The following NUP98 variants were observed in gnomAD, a reference collection of about 807,000 sequenced individuals.
The protein encoded by NUP98 is nucleoporin 98 and 96 precursor.
Under a neutral mutation model 191.9 loss-of-function variants are expected in NUP98, and 26 were observed. The observed-to-expected ratio is 0.14, with a 90% CI of 0.10 to 0.19. The LOEUF (loss-of-function observed/expected upper bound fraction) is 0.19. NUP98 is among the 10% of genes least tolerant of loss of function. The pLI is 1.00. For missense variants in NUP98, 1,941 were observed against 2,178.8 expected (o/e 0.89, Z 2.17); for synonymous variants, 808 against 778.4 (o/e 1.04, Z -0.63).
In NUP98 at chr11:3,686,004, T is replaced by C. The variant is rs1159199679; in HGVS notation, c.4645A>G (p.Ile1549Val). 7 of 1,613,982 alleles carry C rather than the reference T, an allele frequency of 4.3e-6. No homozygotes were observed. Among genetic ancestry groups the C allele is most frequent in the African/African-American group, 1.3e-5 (1 of 74,924 alleles). ...TTGTCAATGTGCAGGAGGACAAAGA[T>C]GGCCCACTCCCAGAGCCCCTCACTT... ...LESEGLWEWA[I>V]FVLLHIDNSG... The change falls in exon 29 of 33, where the codon ATC becomes GTC. Residue 1549 changes from isoleucine to valine, a missense_variant. By Grantham distance (29) the Ile-to-Val change is conservative. This residue lies in a region of NUP98 where 1,030 missense variants were observed against 1,115.8 expected (regional missense o/e 0.92). Transcript: ENST00000324932.
chr11:3,702,328 CTCTCTCTCTCTCTCTCTCT>C (rs1336114292), intron 23 of NUP98, 116 bp downstream of exon 23: 4 of 105,088 alleles, frequency 3.8e-5, no homozygotes, highest in South Asian at 1.9e-4. Context: ...CTCTCTCTCT[CTCTCTCTCTCTCTCTCTCT>C]CTCTCTCTCT....
rs532403779 is a variant in NUP98, at chr11:3,676,038, GGGA to G, written c.*118_*120del. On this transcript the variant is annotated 3_prime_UTR_variant, in exon 33 of 33. Transcript: ENST00000324932. The stretch of plus-strand genomic sequence containing the variant: ...GTGGAGGATGCTGCTTCTGGCAGCA[GGGA>G]GGGAGGGTAGATGCCACAGCCAACC... 3.0e-4 allele frequency: 259 copies of G among 850,018 alleles called. 1 individual carries two copies. The African/African-American group carries it at 3.9e-3, about 13-fold the overall frequency. 52.7% of individuals were successfully genotyped at this position (850,018 alleles called of 1,614,324 possible).
At chr11:3,768,803 A>C in intron 7 of NUP98, 59 bp from the exon 8 acceptor site, 1 of 1,304,978 alleles carries the variant, frequency 7.7e-7, no homozygotes, top group South Asian at 1.7e-5. Flanking sequence ...GTAAACACCC[A>C]AAAATACAAA....
Position 3,778,883 on chromosome 11 carries a change from A to G in NUP98, c.345T>C (p.Thr115=), listed in dbSNP as rs2133935312. 1 of 1,613,928 alleles carries G rather than the reference A, an allele frequency of 6.2e-7. No individual in the cohort carries two copies. Among genetic ancestry groups the G allele is most frequent in the East Asian group, 2.2e-5 (1 of 44,874 alleles). Reference sequence around the variant, plus strand: ...TGATGTCCCACTTACTGCCAAAGCCAGTTGGTTTATTTTGTGCAAAGGCAT... The same window carrying G: ...TGATGTCCCACTTACTGCCAAAGCCGGTTGGTTTATTTTGTGCAAAGGCAT... ...QNNAFAQNKP[T]GFGNFGTSTS... is the part of the protein sequence containing the mutation. The change falls in exon 4 of 33, where the codon ACT becomes ACC. Residue 115 remains threonine, a synonymous_variant. Transcript: ENST00000324932.
At chr11:3,704,516 A>G (rs138657200) in intron 22 of NUP98, among the ~76,000 whole-genome samples, 11 of 152,378 alleles carry the variant, frequency 7.2e-5, no homozygotes, top group Non-Finnish European at 1.0e-4. Context: ...ACAGTGCTGT[A>G]AGGACTGCAC....
At chr11:3,689,048 A>G (rs2078224272) in intron 28 of NUP98, among the ~76,000 whole-genome samples, 1 of 151,792 alleles carries the variant, frequency 6.6e-6, no homozygotes, top group African/African-American at 2.4e-5. Context: ...AGCCTGGGCA[A>G]TGTGGCAAAA....
intron 8 of NUP98, among the ~76,000 whole-genome samples, chr11:3,763,661 G>A (rs11029681): frequency 0.17 from 26,238 of 151,994 alleles, 2,472 homozygotes; most frequent in Non-Finnish European, 0.22. Flanking sequence ...TGATTCTCTC[G>A]CCTCAGCCTC....
At chr11:3,776,202 G>C (rs2081722955) in intron 4 of NUP98, among the ~76,000 whole-genome samples, 181 bp from the exon 5 acceptor site, 1 of 148,014 alleles carries the variant, frequency 6.8e-6, no homozygotes, top group African/African-American at 2.5e-5. Context: ...GCTCACTGCA[G>C]CCTTGACCTC....
chr11:3,782,824 C>A (rs546624762), intron 1 of NUP98, among the ~76,000 whole-genome samples: 92 of 152,226 alleles, frequency 6.0e-4, no homozygotes, highest in South Asian at 1.7e-3. Context: ...CACCAAAGTG[C>A]TGGGATTACA....
intron 12 of NUP98, among the ~76,000 whole-genome samples, chr11:3,737,321 CAAA>C (rs34718372): frequency 2.3e-4 from 26 of 111,946 alleles, no homozygotes; most frequent in African/African-American, 6.3e-4. Flanking sequence ...GCAGTAATAA[CAAA>C]AAAAAAAAAA....
intron 19 of NUP98, 120 bp from the exon 20 acceptor site, chr11:3,712,848 A>T (rs2079061707): frequency 9.9e-7 from 1 of 1,006,602 alleles, no homozygotes; most frequent in South Asian, 1.6e-5. Context: ...ATATCTAAGT[A>T]TTTAAAGCAA....
At chr11:3,679,508 G>T (rs768359792) in intron 31 of NUP98, 46 bp downstream of exon 31, 1 of 1,609,810 alleles carries the variant, frequency 6.2e-7, no homozygotes, top group Non-Finnish European at 8.5e-7. Context: ...AGATTTAAGG[G>T]CCTGAGAAAA....
rs536691573 is a variant in NUP98 at position 3,723,193 on chromosome 11, C to T, written c.2110G>A (p.Glu704Lys). The part of the protein sequence containing the change: ...HDESLQDDRE[E>K]IENNSYHMHP... ...ATATGGTAAGAATTATTTTCTATTT[C>T]TTCTCGGTCATCCTGAAGTGACTCA... The change falls in exon 16 of 33, where the codon GAA becomes AAA. Residue 704 changes from glutamate (E) to lysine (K), a missense_variant. Physicochemically the swap from Glu to Lys is moderately conservative, Grantham distance 56. This residue lies in a region of NUP98 where 453 missense variants were observed against 438.2 expected (regional missense o/e 1.03). Coordinates refer to ENST00000324932, the MANE Select transcript of NUP98 (RefSeq NM_016320.5). 6.2e-7 allele frequency: 1 copy of T among 1,614,090 alleles called. No individual in the cohort carries two copies. The highest frequency in any genetic ancestry group is 1.3e-5 in the African/African-American group (1 of 75,026).
intron 10 of NUP98, among the ~76,000 whole-genome samples, chr11:3,755,501 CA>C (rs1240135096): frequency 1.3e-5 from 2 of 150,796 alleles, no homozygotes; most frequent in African/African-American, 4.9e-5. Context: ...AAAAGTAGCC[CA>C]AAAAGATAAC....
intron 11 of NUP98, among the ~76,000 whole-genome samples, chr11:3,750,863 T>G (rs1310465109): frequency 6.6e-6 from 1 of 151,600 alleles, no homozygotes; most frequent in Non-Finnish European, 1.5e-5. Context: ...GTTAAACTCC[T>G]GACGTCAAGC....
Position 3,720,712 on chromosome 11 carries a change from C to T in NUP98, c.2260G>A (p.Gly754Ser). 1.3e-6 allele frequency: 2 copies of T among 1,539,232 alleles called. No individual in the cohort carries two copies. Among genetic ancestry groups the T allele is most frequent in the Non-Finnish European group, 1.8e-6 (2 of 1,116,632 alleles). ...IVSDFTIGRK[G>S]YGSIYFEGDV... Reference sequence around the variant, plus strand: ...CACTAAGTGCTAAACTCACACTTACCTTTCCGACCAATAGTGAAATCAGAG... The same window carrying T: ...CACTAAGTGCTAAACTCACACTTACTTTTCCGACCAATAGTGAAATCAGAG... Residue 754 changes from glycine to serine, a missense_variant and splice_region_variant, in exon 17 of 33, where the codon GGT becomes AGT. This residue lies in a region of NUP98 where 453 missense variants were observed against 438.2 expected (regional missense o/e 1.03). Coordinates refer to ENST00000324932, the MANE Select transcript of NUP98 (RefSeq NM_016320.5).
intron 12 of NUP98, among the ~76,000 whole-genome samples, chr11:3,737,278 C>A (rs2080099721): frequency 6.8e-6 from 1 of 146,374 alleles, no homozygotes. Flanking sequence ...TGAAAAGTCT[C>A]ACAATGTTGT....
chr11:3,751,435 T>C (rs1025555472), intron 11 of NUP98, among the ~76,000 whole-genome samples: 38 of 152,172 alleles, frequency 2.5e-4, no homozygotes, highest in African/African-American at 8.7e-4. Flanking sequence ...TGTGTAAACA[T>C]GTCCGAAAAA....
At chr11:3,683,494 T>C in intron 29 of NUP98, 53 bp from the exon 30 acceptor site, 2 of 1,600,760 alleles carry the variant, frequency 1.2e-6, no homozygotes, top group East Asian at 2.2e-5. Flanking sequence ...TGGAGAAGGC[T>C]GCCCCAGGCA....
Sources: allele counts gnomAD v4.1 joint callset (sites outside exome capture counted in the v4.1 genomes callset), GRCh38; gene constraint gnomAD v4.1.1; regional missense constraint gnomAD v4.1.1; transcripts MANE v1.5; gene names NCBI Gene and HGNC (gene_info 2026-07-23, HGNC 2026-07-21).